Variants in CPLANE1 observed in about 807,000 individuals in gnomAD.
CPLANE1 encodes ciliogenesis and planar polarity effector complex subunit 1.
Under a neutral mutation model 362.5 loss-of-function variants are expected in CPLANE1, and 263 were observed. The observed-to-expected ratio is 0.73, with a 90% CI of 0.66 to 0.80. The LOEUF (loss-of-function observed/expected upper bound fraction) is 0.80, where lower values mean the gene tolerates loss of function less well. Ranked by LOEUF, CPLANE1 falls within the 30% of genes least tolerant of loss-of-function variation. The pLI is 0.00. For synonymous variants in CPLANE1, 1,212 were observed against 1,302.6 expected, an observed-to-expected ratio of 0.93 and a Z score of 1.50; for missense variants, 3,461 against 3,793.4, an observed-to-expected ratio of 0.91 and a Z score of 2.30.
intron 18 of CPLANE1, among the ~76,000 whole-genome samples, chr5:37,203,443 G>A (rs769775623): frequency 7.2e-5 from 11 of 152,046 alleles, no homozygotes; most frequent in Non-Finnish European, 1.0e-4. Context: ...ACCAGTTGAC[G>A]GACATTTGAG....
chr5:37,123,117 T>G (rs1469321759), intron 47 of CPLANE1, among the ~76,000 whole-genome samples: 2 of 152,200 alleles, frequency 1.3e-5, no homozygotes, highest in African/African-American at 4.8e-5. Flanking sequence ...CATTTAAAAT[T>G]ATCATTTTTA....
At chr5:37,092,869 A>G in the CPLANE1 span, among the ~76,000 whole-genome samples, 1 of 152,174 alleles carries the variant, frequency 6.6e-6, no homozygotes, top group African/African-American at 2.4e-5. Flanking sequence ...ATGGGAACCA[A>G]TATTTCTATT....
At position 37,187,445 on chromosome 5, in the gene CPLANE1, C is replaced by A; in HGVS notation, c.4049G>T (p.Ser1350Ile). Residue 1350 changes from serine (S) to isoleucine (I), a missense_variant, in exon 23 of 53, where the codon AGC (serine) becomes ATC (isoleucine). By Grantham distance (142) the Ser-to-Ile change is moderately radical. Coordinates refer to ENST00000651892, the MANE Select transcript of CPLANE1 (RefSeq NM_001384732.1). ...GATTGGTGGCAGTTCTCCAATAAGG[C>A]TCAAAATTATATCCTGAATAAGTTC... ...MEELIQDIIL[S>I]LIGELPPIRK... is the part of the protein sequence containing the mutation. 6.2e-7 allele frequency: 1 copy of A among 1,613,012 alleles called. No individual in the cohort carries two copies. Among genetic ancestry groups the A allele is most frequent in the Non-Finnish European group, 8.5e-7 (1 of 1,179,648 alleles).
At chr5:37,098,983 A>C in the CPLANE1 span, among the ~76,000 whole-genome samples, 1 of 151,926 alleles carries the variant, frequency 6.6e-6, no homozygotes, top group East Asian at 1.9e-4. Flanking sequence ...AATGAACCTT[A>C]AGGAACTAAA....
chr5:37,117,890 AGGAC>A lies in CPLANE1; in HGVS notation c.9310+2322_9310+2325del, dbSNP rs1379213077. On this transcript the variant is annotated intron_variant, in intron 50 of 52. Transcript: ENST00000651892. ...CTTGAAATTGAACACATATAACAGG[AGGAC>A]ATATTTCCATATAATTCAAGACTTT... 4.1e-4 allele frequency among the ~76,000 whole-genome samples: 62 copies of A among 152,370 alleles called. No individual in the cohort carries two copies. In the East Asian group the frequency reaches 0.012, roughly 28 times the overall value.
the CPLANE1 span, among the ~76,000 whole-genome samples, chr5:37,088,626 C>T: frequency 6.6e-6 from 1 of 152,190 alleles, no homozygotes. Flanking sequence ...TAGGAGCAAG[C>T]CCCAGGCCCC....
chr5:37,188,999 G>A (rs952949718), intron 21 of CPLANE1, among the ~76,000 whole-genome samples: 2 of 152,048 alleles, frequency 1.3e-5, no homozygotes, highest in Non-Finnish European at 2.9e-5. Context: ...ACAAGCGTGT[G>A]CCACCATACC....
chr5:37,177,585 C>A (rs1241615320), intron 30 of CPLANE1, 36 bp downstream of exon 30: 3 of 1,452,872 alleles, frequency 2.1e-6, no homozygotes, highest in Non-Finnish European at 2.9e-6. Context: ...CTGAGGTAAC[C>A]AGTGACAATC....
At chr5:37,174,666 C>T (rs1780673365) in intron 31 of CPLANE1, among the ~76,000 whole-genome samples, 1 of 151,880 alleles carries the variant, frequency 6.6e-6, no homozygotes, top group Non-Finnish European at 1.5e-5. Context: ...AGGGAGCAGG[C>T]AGTTATCAGA....
At chr5:37,241,275 G>A (rs527266706) in intron 6 of CPLANE1, among the ~76,000 whole-genome samples, 7 of 152,300 alleles carry the variant, frequency 4.6e-5, no homozygotes, top group South Asian at 4.1e-4. Context: ...CCAACATGGC[G>A]AAACCCCATC....
intron 16 of CPLANE1, chr5:37,212,048 A>G (rs1245720454): frequency 1.1e-6 from 1 of 913,940 alleles, no homozygotes; most frequent in East Asian, 2.4e-5. Context: ...AGCAGAGAGA[A>G]GAAAGAAGGC....
chr5:37,227,679 G>T lies in CPLANE1; in HGVS notation c.1260C>A (p.Val420=). The T allele has an allele frequency of 6.4e-7, 1 of 1,551,430 alleles. No individual in the cohort carries two copies. Among genetic ancestry groups the T allele is most frequent in the South Asian group, 1.2e-5 (1 of 84,026 alleles). Residue 420 remains valine, a synonymous_variant, in exon 10 of 53, where the codon GTC becomes GTA. Transcript: ENST00000651892. ...PYLVISDGYM[V]TTLRFLDSLS... ...GGCTATCAAGAAATCGAAGGGTTGT[G>T]ACCATATATCCATCAGATATAACGA...
chr5:37,114,219 A>T (rs891204857), intron 51 of CPLANE1, among the ~76,000 whole-genome samples: 2 of 152,228 alleles, frequency 1.3e-5, no homozygotes, highest in African/African-American at 4.8e-5. Flanking sequence ...ATCAAGTGAG[A>T]TAATGCACAT....
rs887448059 is a variant in CPLANE1 at position 37,138,625 on chromosome 5, G to A, written c.8792+95C>T. ...AAAATCTATTCTAAGCTTCAGATTT[G>A]TTTCATAAAAATCACATTAAAATAT... On this transcript the variant is annotated intron_variant, in intron 46 of 52. Coordinates refer to ENST00000651892, the MANE Select transcript of CPLANE1 (RefSeq NM_001384732.1). 25 of 1,333,686 alleles carry A rather than the reference G, an allele frequency of 1.9e-5. No homozygotes were observed. In the African/African-American group the frequency reaches 3.7e-4, roughly 20 times the overall value. 82.6% of individuals were successfully genotyped at this position (1,333,686 alleles called of 1,614,324 possible). A position where few individuals can be genotyped will look rare whatever the true frequency, so the allele number is the denominator to read the frequency against.
rs776137645 is a variant in CPLANE1 at position 37,167,052 on chromosome 5, T to C, written c.7395A>G (p.Lys2465=). 2.5e-6 allele frequency: 4 copies of C among 1,605,140 alleles called. No individual in the cohort carries two copies. In the Admixed American group the frequency reaches 7.0e-5, roughly 28 times the overall value. Residue 2465 remains lysine, a synonymous_variant, in exon 35 of 53, where the codon AAA becomes AAG. Transcript: ENST00000651892. ...AAATTTCACTTAAGCCTTGCCTTTT[T>C]TTACTGTCCTTTCCTTGTCTTACTT... ...PPEVRQGKDS[K]KRQRRRAEKE...
rs2149857487 is a variant in CPLANE1, at chr5:37,108,334, T to C, written c.9538A>G (p.Ile3180Val). The C allele has an allele frequency of 1.9e-6, 3 of 1,614,198 alleles. No individual in the cohort carries two copies. The highest frequency in any genetic ancestry group is 1.7e-6 in the Non-Finnish European group (2 of 1,180,018). Residue 3180 changes from isoleucine to valine, a missense_variant, in exon 52 of 53, where the codon ATC becomes GTC. Ile to Val is a conservative substitution (Grantham distance 29, BLOSUM62 3). This residue lies in a region of CPLANE1 where 81 missense variants were observed against 127.3 expected (regional missense o/e 0.64). Transcript: ENST00000651892. ...TGACTCTCATGAAGAATCTTATGGA[T>C]TTCTGAAGGTATCGTCCAGGGACTC... Reference protein sequence around the residue: ...VVSPWTIPSEIHKILHESHNS... With the variant: ...VVSPWTIPSEVHKILHESHNS...
intron 43 of CPLANE1, among the ~76,000 whole-genome samples, chr5:37,143,987 CT>C (rs1770623555): frequency 6.6e-6 from 1 of 150,726 alleles, no homozygotes; most frequent in East Asian, 1.9e-4. Context: ...TCCAACATGC[CT>C]CTATTAGGTG....
chr5:37,162,523 C>T lies in CPLANE1; in HGVS notation c.7632G>A (p.Met2544Ile). 2 of 1,612,742 alleles carry T rather than the reference C, an allele frequency of 1.2e-6. No homozygotes were observed. The highest frequency in any genetic ancestry group is 1.7e-6 in the Non-Finnish European group (2 of 1,179,118). ...DDNTSAGLHFMASVKKKAIGS... is the reference protein window; with the variant it reads ...DDNTSAGLHFIASVKKKAIGS... ...CTATAGCTTTCTTTTTTACAGAGGCCATGAAATGCAATCCAGCTGAAGTAT... is the reference window on the plus strand; with the variant it reads ...CTATAGCTTTCTTTTTTACAGAGGCTATGAAATGCAATCCAGCTGAAGTAT... Residue 2544 changes from methionine to isoleucine, a missense_variant, in exon 38 of 53, where the codon ATG becomes ATA. By Grantham distance (10) the Met-to-Ile change is conservative. Coordinates refer to ENST00000651892, the MANE Select transcript of CPLANE1 (RefSeq NM_001384732.1).
chr5:37,135,604 G>A (rs781761211), intron 46 of CPLANE1, among the ~76,000 whole-genome samples: 3 of 152,188 alleles, frequency 2.0e-5, no homozygotes, highest in Non-Finnish European at 2.9e-5. Context: ...GGAAGTCGAG[G>A]TGGGCGGATC....
Sources: allele counts gnomAD v4.1 joint callset (sites outside exome capture counted in the v4.1 genomes callset), GRCh38; gene constraint gnomAD v4.1.1; regional missense constraint gnomAD v4.1.1; transcripts MANE v1.5; gene names NCBI Gene and HGNC (gene_info 2026-07-23, HGNC 2026-07-21).